PTPRC: variants seen among roughly 807,000 people sequenced by gnomAD.
PTPRC encodes the protein protein tyrosine phosphatase receptor type C, also known as receptor-type tyrosine-protein phosphatase C.
In PTPRC, 44 loss-of-function variants were observed where a neutral mutation model predicts 155.9. The ratio of observed to expected loss-of-function variants is 0.28; its 90% CI spans 0.22 to 0.36. The LOEUF is 0.36. Ranked by LOEUF, PTPRC falls within the 10% of genes least tolerant of loss-of-function variation. PTPRC has a pLI of 1.00. For synonymous variants in PTPRC, 525 were observed against 533.1 expected (o/e 0.98, Z 0.21); for missense variants, 1,401 against 1,564.6 (o/e 0.90, Z 1.76).
At chr1:198,702,587 A>G in intron 6 of PTPRC, 57 bp downstream of exon 6, 1 of 1,598,430 alleles carries the variant, frequency 6.3e-7, no homozygotes, top group African/African-American at 1.3e-5. Flanking sequence ...ATGGAAACTC[A>G]AAACTTTAAT....
intron 26 of PTPRC, among the ~76,000 whole-genome samples, chr1:198,746,220 C>T (rs755050341): frequency 8.0e-4 from 122 of 151,962 alleles, no homozygotes; most frequent in Admixed American, 1.1e-3. Context: ...ATACCTGACA[C>T]TTCCCAGTGA....
chr1:198,740,491 A>G (rs1432325961), intron 23 of PTPRC, among the ~76,000 whole-genome samples: 1 of 151,964 alleles, frequency 6.6e-6, no homozygotes, highest in African/African-American at 2.4e-5. Flanking sequence ...CTGAGGCAGT[A>G]GAATCACTTG....
chr1:198,682,381 A>G (rs576824110), intron 2 of PTPRC, among the ~76,000 whole-genome samples: 66 of 152,308 alleles, frequency 4.3e-4, no homozygotes, highest in South Asian at 1.9e-3. Flanking sequence ...ATTAGTTTCT[A>G]TTAGGTGGAC....
Position 198,752,294 on chromosome 1 carries a change from G to A in PTPRC, c.3253G>A (p.Asp1085Asn), listed in dbSNP as rs1426518506. The A allele has an allele frequency of 6.2e-7, 1 of 1,611,458 alleles. No individual in the cohort carries two copies. Among genetic ancestry groups the A allele is most frequent in the Admixed American group, 1.7e-5 (1 of 59,848 alleles). Reference sequence around the variant, plus strand: ...GGGAGAAGGAAAGCAAACATATGGAGATATTGAAGTTGACCTGAAAGACAC... The same window carrying A: ...GGGAGAAGGAAAGCAAACATATGGAAATATTGAAGTTGACCTGAAAGACAC... ...YWGEGKQTYG[D>N]IEVDLKDTDK... Residue 1085 changes from aspartate to asparagine, a missense_variant, in exon 30 of 33, where the codon GAT (aspartate) becomes AAT (asparagine). By Grantham distance (23) the Asp-to-Asn change is conservative. Transcript: ENST00000442510.
chr1:198,658,038 A>G (rs1191657076), intron 2 of PTPRC, among the ~76,000 whole-genome samples: 1 of 152,136 alleles, frequency 6.6e-6, no homozygotes, highest in Non-Finnish European at 1.5e-5. Context: ...GAGCACATAT[A>G]CATTTCAGCC....
chr1:198,645,953 A>C (rs1317616485), intron 2 of PTPRC, among the ~76,000 whole-genome samples: 1 of 151,770 alleles, frequency 6.6e-6, no homozygotes, highest in Non-Finnish European at 1.5e-5. Context: ...TAATCTTTGT[A>C]AAAGGCAGAA....
chr1:198,658,366 A>G (rs1474390260), intron 2 of PTPRC, among the ~76,000 whole-genome samples: 1 of 152,152 alleles, frequency 6.6e-6, no homozygotes, highest in Non-Finnish European at 1.5e-5. Context: ...CAAAATATTG[A>G]GCCTGAGTAT....
chr1:198,642,267 C>T (rs1474424433), intron 2 of PTPRC, among the ~76,000 whole-genome samples: 1 of 151,928 alleles, frequency 6.6e-6, no homozygotes, highest in Non-Finnish European at 1.5e-5. Flanking sequence ...ATAGATGTTT[C>T]TACATTGTTC....
chr1:198,711,155 T>C lies in PTPRC; in HGVS notation c.1171+1331T>C, dbSNP rs191085116. ...TCTAAGTTTTATGTAAAAAGGATAG[T>C]TGAAGGCTAAAGAGGCTGCCTAAAT... On this transcript the variant is annotated intron_variant, in intron 11 of 32. Coordinates refer to ENST00000442510, the MANE Select transcript of PTPRC (RefSeq NM_002838.5). 7.4e-4 allele frequency among the ~76,000 whole-genome samples: 112 copies of C among 152,306 alleles called. 2 individuals carry two copies. In the South Asian group the frequency reaches 0.018, roughly 24 times the overall value.
At chr1:198,688,952 T>G (rs1665779364) in intron 2 of PTPRC, among the ~76,000 whole-genome samples, 1 of 152,172 alleles carries the variant, frequency 6.6e-6, no homozygotes, top group Admixed American at 6.5e-5. Context: ...TTTCTAAGCT[T>G]CTTAGGGTTT....
rs766216179 is a variant in PTPRC, at chr1:198,750,336, G to A, written c.3073-156G>A. The A allele has an allele frequency of 6.8e-6, 5 of 736,038 alleles. No homozygotes were observed. In the South Asian group the frequency reaches 7.7e-5, roughly 11 times the overall value. 45.6% of individuals were successfully genotyped at this position (736,038 alleles called of 1,614,324 possible). A position where few individuals can be genotyped will look rare whatever the true frequency, so the allele number is the denominator to read the frequency against. On this transcript the variant is annotated intron_variant, in intron 28 of 32. Coordinates refer to ENST00000442510, the MANE Select transcript of PTPRC (RefSeq NM_002838.5). Reference sequence around the variant, plus strand: ...TATCTGTATAATTATTTTACATATAGCTATTACATTGTTTCTTGTAAGAAA... The same window carrying A: ...TATCTGTATAATTATTTTACATATAACTATTACATTGTTTCTTGTAAGAAA...
chr1:198,694,085 C>T (rs1019687765), intron 3 of PTPRC: 1 of 1,549,220 alleles, frequency 6.5e-7, no homozygotes. Flanking sequence ...GGGAAGCTGA[C>T]AGTTCAGCCT....
At chr1:198,736,068 A>T (rs1038988086) in intron 23 of PTPRC, among the ~76,000 whole-genome samples, 1 of 151,478 alleles carries the variant, frequency 6.6e-6, no homozygotes, top group Non-Finnish European at 1.5e-5. Flanking sequence ...GGTACATGGT[A>T]GGTGTGTATA....
chr1:198,670,582 A>G lies in PTPRC; in HGVS notation c.74-21765A>G, dbSNP rs533559189. Among the ~76,000 whole-genome samples the G allele has an allele frequency of 8.5e-5, 13 of 152,282 alleles. No homozygotes were observed. The South Asian group carries it at 1.9e-3, about 22-fold the overall frequency. ...ATAGACTCCAAAACTATTTGTATAT[A>G]TTATCATCGAAACACAATTTTGAGA... On this transcript the variant is annotated intron_variant, in intron 2 of 32. Coordinates refer to ENST00000442510, the MANE Select transcript of PTPRC (RefSeq NM_002838.5).
At chr1:198,650,052 T>G (rs1180091348) in intron 2 of PTPRC, among the ~76,000 whole-genome samples, 3 of 151,776 alleles carry the variant, frequency 2.0e-5, no homozygotes, top group Non-Finnish European at 2.9e-5. Flanking sequence ...TGAGGGAGAC[T>G]GGCAAGAGTA....
intron 5 of PTPRC, among the ~76,000 whole-genome samples, chr1:198,702,068 C>A (rs1351207464): frequency 1.3e-5 from 2 of 152,220 alleles, no homozygotes; most frequent in East Asian, 3.8e-4. Context: ...TGCTTTGATG[C>A]ATTTTTTATA....
chr1:198,657,100 A>G (rs1214777584), intron 2 of PTPRC, among the ~76,000 whole-genome samples: 1 of 151,754 alleles, frequency 6.6e-6, no homozygotes, highest in South Asian at 2.1e-4. Flanking sequence ...TATGTAGATT[A>G]AATATTTTGA....
Position 198,709,701 on chromosome 1 carries a change from G to C in PTPRC, c.1048G>C (p.Asp350His). ...YRFQCGNMIF[D>H]NKEIKLENLE... The stretch of plus-strand genomic sequence containing the variant: ...CTTTATTTCAGGTAATATGATATTT[G>C]ATAATAAAGAAATTAAATTAGAAAA... Residue 350 changes from aspartate to histidine, a missense_variant, in exon 11 of 33, where the codon GAT becomes CAT. By Grantham distance (81) the Asp-to-His change is moderately conservative. Around this residue, in one of 3 missense-constraint regions of PTPRC, gnomAD observed 867 missense variants for 970.4 expected, o/e 0.89. Transcript: ENST00000442510. The C allele has an allele frequency of 6.3e-7, 1 of 1,579,294 alleles. No homozygotes were observed. Among genetic ancestry groups the C allele is most frequent in the Middle Eastern group, 1.7e-4 (1 of 5,802 alleles).
intron 17 of PTPRC, among the ~76,000 whole-genome samples, chr1:198,730,938 T>C (rs1031005435): frequency 1.3e-5 from 2 of 151,986 alleles, no homozygotes; most frequent in South Asian, 2.1e-4. Context: ...CATGGAAGAG[T>C]AGGAGAAACA....
Sources: gnomAD v4.1 joint callset for allele counts (sites outside exome capture counted in the v4.1 genomes callset) on GRCh38, gnomAD v4.1.1 for gene constraint, gnomAD v4.1.1 regional missense constraint, MANE v1.5 for transcripts, NCBI Gene and HGNC (gene_info 2026-07-23, HGNC 2026-07-21) for gene names.